Variants in ATRNL1 observed in about 807,000 individuals in gnomAD.
ATRNL1 encodes the protein attractin-like protein 1.
Under a neutral mutation model 182.7 loss-of-function variants are expected in ATRNL1, and 95 were observed. That is an observed-to-expected ratio of 0.52 (90% CI 0.44 to 0.62). ATRNL1 has a LOEUF of 0.62. Among genes scored for constraint, ATRNL1 ranks in the 20% least tolerant of loss-of-function variants. ATRNL1 has a pLI of 0.00. For missense variants in ATRNL1, 1,471 were observed against 1,679.5 expected (o/e 0.88, Z 2.17); for synonymous variants, 576 against 568.3 (o/e 1.01, Z -0.19).
intron 21 of ATRNL1, among the ~76,000 whole-genome samples, chr10:115,455,693 C>G (rs575482901): frequency 6.6e-6 from 1 of 152,084 alleles, no homozygotes; most frequent in East Asian, 1.9e-4. Flanking sequence ...CCAGAGTGAA[C>G]AGGCAGCCTA....
chr10:115,798,019 G>A (rs1408790660), intron 27 of ATRNL1, among the ~76,000 whole-genome samples: 2 of 152,038 alleles, frequency 1.3e-5, no homozygotes, highest in Non-Finnish European at 1.5e-5. Flanking sequence ...CCGGGTTCAC[G>A]CCATTCTCCT....
chr10:115,497,506 T>A (rs1352669633), intron 24 of ATRNL1, among the ~76,000 whole-genome samples: 1 of 152,108 alleles, frequency 6.6e-6, no homozygotes, highest in Non-Finnish European at 1.5e-5. Context: ...ATGGGTCACA[T>A]TTTTTCCTTG....
chr10:115,546,566 C>CAA (rs111888938), intron 25 of ATRNL1, among the ~76,000 whole-genome samples: 3 of 126,310 alleles, frequency 2.4e-5, no homozygotes, highest in Non-Finnish European at 1.8e-5. Context: ...GACTCTGTCT[C>CAA]AAAAAAAAAA....
chr10:115,650,432 C>T (rs782535960), intron 26 of ATRNL1, among the ~76,000 whole-genome samples: 1 of 151,842 alleles, frequency 6.6e-6, no homozygotes, highest in Non-Finnish European at 1.5e-5. Context: ...AGTCAAGTTA[C>T]TGGTTGAGTA....
At position 115,481,209 on chromosome 10, in the gene ATRNL1, TATTA is replaced by T. The variant is rs782104784; in HGVS notation, c.3654+11887_3654+11890del. On this transcript the variant is annotated intron_variant, in intron 24 of 28. Transcript: ENST00000355044. The stretch of plus-strand genomic sequence containing the variant: ...GTAAACAATTTTAGTTTTAATATAA[TATTA>T]ATTAATGTTTTTAATACTATAAGAA... Among the ~76,000 whole-genome samples the T allele has an allele frequency of 1.3e-4, 20 of 150,488 alleles. No individual in the cohort carries two copies. In the East Asian group the frequency reaches 3.3e-3, roughly 25 times the overall value.
At chr10:115,194,726 T>C (rs1848294724) in intron 8 of ATRNL1, among the ~76,000 whole-genome samples, 1 of 152,000 alleles carries the variant, frequency 6.6e-6, no homozygotes, top group African/African-American at 2.4e-5. Flanking sequence ...ATTACTGCCA[T>C]TTTGTTGTTT....
intron 24 of ATRNL1, among the ~76,000 whole-genome samples, chr10:115,472,689 G>C (rs1201682323): frequency 6.6e-6 from 1 of 150,976 alleles, no homozygotes; most frequent in African/African-American, 2.4e-5. Context: ...TTGTATGTTG[G>C]TTTTGTATCC....
rs558780521 is a variant in ATRNL1, at chr10:115,121,650, C to G, written c.378-49C>G. On this transcript the variant is annotated intron_variant, in intron 2 of 28. Transcript: ENST00000355044. ...AATAAATATTATGTATTTATTCACT[C>G]TGTGCTTTGTATATTTTAATTTGAA... 24 of 764,330 alleles carry G rather than the reference C, an allele frequency of 3.1e-5. No homozygotes were observed. The East Asian group carries it at 4.7e-4, about 15-fold the overall frequency. The allele number at this position is 764,330 out of a possible 1,614,324, so 47.3% of individuals were successfully genotyped here.
chr10:115,515,971 G>A (rs1850619495), intron 24 of ATRNL1, among the ~76,000 whole-genome samples: 1 of 151,454 alleles, frequency 6.6e-6, no homozygotes, highest in Admixed American at 6.6e-5. Flanking sequence ...TGATGGGGTG[G>A]CCCTGAATAT....
intron 28 of ATRNL1, among the ~76,000 whole-genome samples, chr10:115,862,068 C>A (rs1385939452): frequency 6.6e-6 from 1 of 152,196 alleles, no homozygotes; most frequent in African/African-American, 2.4e-5. Flanking sequence ...TGCTTCTGCT[C>A]CTTGGACCAT....
At chr10:115,605,509 A>T (rs1592935975) in intron 26 of ATRNL1, among the ~76,000 whole-genome samples, 1 of 152,162 alleles carries the variant, frequency 6.6e-6, no homozygotes, top group East Asian at 1.9e-4. Context: ...CCCCTAACTT[A>T]TGATAGTTTG....
intron 26 of ATRNL1, among the ~76,000 whole-genome samples, chr10:115,615,845 T>C (rs1857400289): frequency 6.6e-6 from 1 of 152,162 alleles, no homozygotes; most frequent in African/African-American, 2.4e-5. Flanking sequence ...CCCATTTTCT[T>C]TATAAATTAC....
chr10:115,702,551 C>T (rs535827125), intron 26 of ATRNL1, among the ~76,000 whole-genome samples: 1 of 151,786 alleles, frequency 6.6e-6, no homozygotes, highest in East Asian at 1.9e-4. Context: ...CTAAAGACTC[C>T]ACCAAAATTC....
intron 27 of ATRNL1, among the ~76,000 whole-genome samples, chr10:115,802,854 C>T (rs1447332237): frequency 6.6e-6 from 1 of 152,162 alleles, no homozygotes; most frequent in Non-Finnish European, 1.5e-5. Flanking sequence ...TATCCAGGGG[C>T]TCCTTACTCC....
intron 24 of ATRNL1, among the ~76,000 whole-genome samples, chr10:115,504,482 A>C (rs1432386767): frequency 1.3e-5 from 2 of 152,058 alleles, no homozygotes; most frequent in Admixed American, 6.6e-5. Flanking sequence ...ATCTATTTTT[A>C]TTAAACTCAT....
chr10:115,600,395 C>T (rs1433784580), intron 26 of ATRNL1, among the ~76,000 whole-genome samples: 2 of 152,106 alleles, frequency 1.3e-5, no homozygotes, highest in Non-Finnish European at 2.9e-5. Context: ...AGTTTCTCCG[C>T]ATCCTTGCCA....
chr10:115,769,953 T>C (rs1948947262), intron 27 of ATRNL1, among the ~76,000 whole-genome samples: 1 of 151,978 alleles, frequency 6.6e-6, no homozygotes, highest in Non-Finnish European at 1.5e-5. Context: ...ACCCCAGGAG[T>C]ATATTGACTT....
rs1482248577 is a variant in ATRNL1 at position 115,846,554 on chromosome 10, C to A, written c.3904-1323C>A. ...TACTTATTCTTCTATTTAATTTTGC[C>A]TTTCCTCAGAAATGTTGCTTTGATA... is the stretch of plus-strand genomic sequence containing the variant. On this transcript the variant is annotated intron_variant, in intron 27 of 28. Coordinates refer to ENST00000355044, the MANE Select transcript of ATRNL1 (RefSeq NM_207303.4). Among the ~76,000 whole-genome samples, 7 of 152,008 alleles carry A rather than the reference C, an allele frequency of 4.6e-5. No individual in the cohort carries two copies. The East Asian group carries it at 1.4e-3, about 29-fold the overall frequency.
intron 26 of ATRNL1, among the ~76,000 whole-genome samples, chr10:115,650,427 A>G (rs1859912748): frequency 6.6e-6 from 1 of 152,096 alleles, no homozygotes; most frequent in Non-Finnish European, 1.5e-5. Context: ...TCATAAGTCA[A>G]GTTACTGGTT....
Sources: gnomAD v4.1 joint callset for allele counts (sites outside exome capture counted in the v4.1 genomes callset) on GRCh38, gnomAD v4.1.1 for gene constraint, MANE v1.5 for transcripts, NCBI Gene and HGNC (gene_info 2026-07-23, HGNC 2026-07-21) for gene names.